The following SEMA5A variants were observed in gnomAD, a reference collection of about 807,000 sequenced individuals.
The protein encoded by SEMA5A is semaphorin 5A.
A neutral mutation model predicts 135.5 loss-of-function variants in SEMA5A; 55 were observed. That is an observed-to-expected ratio of 0.41 (90% confidence interval 0.33 to 0.51). The LOEUF (loss-of-function observed/expected upper bound fraction) is 0.51, where lower values mean the gene tolerates loss of function less well. Among genes scored for constraint, SEMA5A ranks in the 20% least tolerant of loss-of-function variants. The pLI, the probability that SEMA5A is intolerant of heterozygous loss-of-function variation, is 0.37. For missense variants in SEMA5A, 1,290 were observed against 1,419.9 expected, an observed-to-expected ratio of 0.91 and a Z score of 1.47; for synonymous variants, 580 against 546.5, an observed-to-expected ratio of 1.06 and a Z score of -0.85.
intron 10 of SEMA5A, among the ~76,000 whole-genome samples, chr5:9,193,512 C>T (rs1745224252): frequency 6.6e-6 from 1 of 152,170 alleles, no homozygotes; most frequent in Non-Finnish European, 1.5e-5. Context: ...CACACTAGTG[C>T]ATGGTGGTCA....
intron 4 of SEMA5A, among the ~76,000 whole-genome samples, chr5:9,324,197 TAGCTGGG>T (rs1752767900): frequency 6.6e-6 from 1 of 151,834 alleles, no homozygotes; most frequent in African/African-American, 2.4e-5. Flanking sequence ...GCCTCCCGAG[TAGCTGGG>T]ACTACAGGCG....
chr5:9,318,715 A>G (rs1235403804), intron 4 of SEMA5A, among the ~76,000 whole-genome samples: 1 of 152,224 alleles, frequency 6.6e-6, no homozygotes, highest in African/African-American at 2.4e-5. Flanking sequence ...AATAAATAAA[A>G]GGACATGGGC....
intron 1 of SEMA5A, among the ~76,000 whole-genome samples, chr5:9,475,065 C>A (rs199665759): frequency 1.3e-5 from 2 of 152,326 alleles, no homozygotes; most frequent in East Asian, 3.9e-4. Context: ...CCTCAGCCTC[C>A]CGACTAGCTG....
chr5:9,148,868 C>A (rs750891183), intron 12 of SEMA5A, among the ~76,000 whole-genome samples: 2 of 152,116 alleles, frequency 1.3e-5, no homozygotes, highest in Admixed American at 6.5e-5. Flanking sequence ...TTCAGGCATG[C>A]GCTACCATGT....
At chr5:9,417,402 C>A (rs1215398869) in intron 2 of SEMA5A, among the ~76,000 whole-genome samples, 1 of 152,192 alleles carries the variant, frequency 6.6e-6, no homozygotes, top group Non-Finnish European at 1.5e-5. Flanking sequence ...TCACATAAAT[C>A]TGAATTTTTA....
intron 5 of SEMA5A, among the ~76,000 whole-genome samples, chr5:9,313,013 G>A (rs944354319): frequency 5.9e-5 from 9 of 152,264 alleles, no homozygotes; most frequent in African/African-American, 2.2e-4. Context: ...GTGTCCCCGT[G>A]CTCCTACTGT....
chr5:9,187,042 T>C (rs1204926497), intron 11 of SEMA5A, among the ~76,000 whole-genome samples: 1 of 152,152 alleles, frequency 6.6e-6, no homozygotes, highest in African/African-American at 2.4e-5. Context: ...GGGCTAGTTA[T>C]AAATAAGAGA....
chr5:9,186,692 T>C (rs1397332065), intron 11 of SEMA5A, among the ~76,000 whole-genome samples: 7 of 152,228 alleles, frequency 4.6e-5, no homozygotes, highest in Admixed American at 4.6e-4. Context: ...ACCTTTTTAA[T>C]TGTTTTAATT....
rs1222254534 is a variant in SEMA5A, at chr5:9,039,484, C to T, written c.*3413G>A. On this transcript the variant is annotated 3_prime_UTR_variant, in exon 23 of 23. Transcript: ENST00000382496. ...AATGTTTATCGTCTCTTTTCAATTC[C>T]TTTAGAACCTCAGCCCCACACATAC... is the stretch of plus-strand genomic sequence containing the variant. 4.6e-5 allele frequency: 7 copies of T among 152,364 alleles called. No individual in the cohort carries two copies. The highest frequency in any genetic ancestry group is 3.9e-4 in the Admixed American group (6 of 15,302). The allele number at this position is 152,364 out of a possible 1,614,324, so 9.4% of individuals were successfully genotyped here. A position where few individuals can be genotyped will look rare whatever the true frequency, so the allele number is the denominator to read the frequency against.
chr5:9,266,306 T>G (rs1406736547), intron 5 of SEMA5A, among the ~76,000 whole-genome samples: 2 of 152,126 alleles, frequency 1.3e-5, no homozygotes, highest in Non-Finnish European at 2.9e-5. Flanking sequence ...GTGCTAAGTA[T>G]CTTATAAATA....
At chr5:9,402,321 T>C (rs1410916519) in intron 2 of SEMA5A, among the ~76,000 whole-genome samples, 2 of 152,222 alleles carry the variant, frequency 1.3e-5, no homozygotes, top group African/African-American at 4.8e-5. Context: ...TCACAAGAGA[T>C]GCTATGACTT....
intron 1 of SEMA5A, among the ~76,000 whole-genome samples, chr5:9,466,153 A>T (rs1759251200): frequency 6.6e-6 from 1 of 152,066 alleles, no homozygotes; most frequent in African/African-American, 2.4e-5. Flanking sequence ...CAATGTGGAG[A>T]TCACTGGGAA....
Position 9,337,618 on chromosome 5 carries a change from AT to A in SEMA5A, c.224+94del. On this transcript the variant is annotated intron_variant, in intron 4 of 22. Coordinates refer to ENST00000382496, the MANE Select transcript of SEMA5A (RefSeq NM_003966.3). ...CTTATAAGAAATAATATTATTCAGC[AT>A]TCTTCAGTTTTGTCAGTGAAGGTCA... The A allele has an allele frequency of 4.1e-6, 3 of 737,988 alleles. No individual in the cohort carries two copies. In the South Asian group the frequency reaches 5.2e-5, roughly 13 times the overall value. 45.7% of individuals were successfully genotyped at this position (737,988 alleles called of 1,614,324 possible). A position where few individuals can be genotyped will look rare whatever the true frequency, so the allele number is the denominator to read the frequency against.
intron 12 of SEMA5A, among the ~76,000 whole-genome samples, chr5:9,154,062 AATAT>A (rs1553993746): frequency 0.017 from 1,136 of 68,170 alleles, 41 homozygotes; most frequent in Middle Eastern, 0.059. Context: ...AAAAAAAAAA[AATAT>A]ATATATATAT....
intron 5 of SEMA5A, among the ~76,000 whole-genome samples, chr5:9,314,105 T>G (rs914630709): frequency 6.6e-6 from 1 of 152,170 alleles, no homozygotes; most frequent in Non-Finnish European, 1.5e-5. Flanking sequence ...TTTTCTACAT[T>G]TAAACAATAA....
At chr5:9,101,837 GTAT>G (rs749552858) in intron 16 of SEMA5A, among the ~76,000 whole-genome samples, 18 of 152,144 alleles carry the variant, frequency 1.2e-4, no homozygotes, top group Non-Finnish European at 2.4e-4. Context: ...GGTTTCAAGG[GTAT>G]TATTAAGGGC....
intron 13 of SEMA5A, among the ~76,000 whole-genome samples, chr5:9,127,277 C>T (rs1380459252): frequency 2.6e-5 from 4 of 152,170 alleles, no homozygotes; most frequent in African/African-American, 9.7e-5. Context: ...GAGGTCAAAG[C>T]AGTTCTATCC....
intron 1 of SEMA5A, among the ~76,000 whole-genome samples, chr5:9,464,779 G>C (rs1247537648): frequency 2.0e-5 from 3 of 152,156 alleles, no homozygotes; most frequent in Admixed American, 6.5e-5. Flanking sequence ...GCCCACAAAG[G>C]ATTGCTCGCT....
intron 5 of SEMA5A, among the ~76,000 whole-genome samples, chr5:9,257,112 G>A (rs906261982): frequency 5.3e-5 from 8 of 152,196 alleles, no homozygotes; most frequent in African/African-American, 1.9e-4. Flanking sequence ...TTCATGGCAT[G>A]GAGGAATTTG....
Sources: allele counts gnomAD v4.1 joint callset (sites outside exome capture counted in the v4.1 genomes callset), GRCh38; gene constraint gnomAD v4.1.1; transcripts MANE v1.5; gene names NCBI Gene and HGNC (gene_info 2026-07-23, HGNC 2026-07-21).